Variants in FHIT observed in about 807,000 individuals in gnomAD.
The protein encoded by FHIT is fragile histidine triad diadenosine triphosphatase.
Under a neutral mutation model 17.9 loss-of-function variants are expected in FHIT, and 19 were observed. The observed-to-expected ratio is 1.06, with a 90% CI of 0.74 to 1.56. The LOEUF is 1.56. Ranked by LOEUF, FHIT falls within the 40% of genes most tolerant of loss-of-function variation. The probability of loss-of-function intolerance (pLI) is 0.00; values close to 1 mark genes in which losing one functional copy is unlikely to be tolerated. For synonymous variants in FHIT, 81 were observed against 69.7 expected (o/e 1.16, Z -0.81); for missense variants, 248 against 189.2 (o/e 1.31, Z -1.82).
intron 5 of FHIT, among the ~76,000 whole-genome samples, chr3:60,351,999 C>T (rs1576520814): frequency 1.3e-5 from 2 of 152,132 alleles, no homozygotes; most frequent in East Asian, 3.9e-4. Flanking sequence ...CACTTCTTGC[C>T]CTGTATCGTA....
At chr3:60,687,579 T>G (rs762503491) in intron 4 of FHIT, among the ~76,000 whole-genome samples, 1 of 152,124 alleles carries the variant, frequency 6.6e-6, no homozygotes, top group Non-Finnish European at 1.5e-5. Context: ...TTCTTTGAGA[T>G]ATAATATATG....
intron 8 of FHIT, among the ~76,000 whole-genome samples, chr3:59,823,682 T>C (rs1454914156): frequency 1.3e-5 from 2 of 152,236 alleles, no homozygotes; most frequent in East Asian, 3.9e-4. Context: ...AAAATCGGCA[T>C]ATAAGGGGCA....
intron 3 of FHIT, among the ~76,000 whole-genome samples, chr3:60,969,065 A>G (rs1267016930): frequency 6.6e-6 from 1 of 152,068 alleles, no homozygotes; most frequent in Non-Finnish European, 1.5e-5. Context: ...TTTGGGGTCA[A>G]GGTTATGCTG....
At chr3:60,375,055 A>G (rs1192460630) in intron 5 of FHIT, among the ~76,000 whole-genome samples, 1 of 151,978 alleles carries the variant, frequency 6.6e-6, no homozygotes, top group African/African-American at 2.4e-5. Context: ...GGAGAGAAAA[A>G]TGGTAAAATA....
At chr3:60,434,315 T>C (rs1258743599) in intron 5 of FHIT, among the ~76,000 whole-genome samples, 1 of 152,124 alleles carries the variant, frequency 6.6e-6, no homozygotes, top group African/African-American at 2.4e-5. Context: ...AGTAAATCCA[T>C]ATGTGAATAG....
chr3:59,990,447 T>C (rs1709175914), intron 7 of FHIT, among the ~76,000 whole-genome samples: 1 of 152,032 alleles, frequency 6.6e-6, no homozygotes, highest in Non-Finnish European at 1.5e-5. Flanking sequence ...AAGTATATTG[T>C]TCTAAATTAA....
rs142729103 is a variant in FHIT at position 60,717,655 on chromosome 3, T to C, written c.-18+104264A>G. On this transcript the variant is annotated intron_variant, in intron 4 of 9. Coordinates refer to ENST00000492590, the MANE Select transcript of FHIT (RefSeq NM_002012.4). ...AAATTGCATATGTGAATCTTGGTTA[T>C]AGTAGAACTTTAAGTGTTCTAGAGC... Among the ~76,000 whole-genome samples, 15 of 152,348 alleles carry C rather than the reference T, an allele frequency of 9.8e-5. No individual in the cohort carries two copies. The East Asian group carries it at 2.9e-3, about 29-fold the overall frequency.
intron 4 of FHIT, among the ~76,000 whole-genome samples, chr3:60,561,118 T>C (rs2036930193): frequency 6.6e-6 from 1 of 151,986 alleles, no homozygotes; most frequent in South Asian, 2.1e-4. Flanking sequence ...TAATGTATCT[T>C]AGAAGAGCCT....
chr3:60,312,408 G>A (rs1232647886), intron 5 of FHIT, among the ~76,000 whole-genome samples: 1 of 152,068 alleles, frequency 6.6e-6, no homozygotes, highest in Non-Finnish European at 1.5e-5. Context: ...CCCCCAAAGT[G>A]CCAGGACCTT....
At chr3:61,164,768 A>T (rs2037788370) in intron 2 of FHIT, among the ~76,000 whole-genome samples, 1 of 152,192 alleles carries the variant, frequency 6.6e-6, no homozygotes, top group African/African-American at 2.4e-5. Flanking sequence ...AGTACTCAAC[A>T]GTTAGCTTTT....
chr3:60,013,496 G>A (rs1224340246), intron 6 of FHIT, among the ~76,000 whole-genome samples: 2 of 152,150 alleles, frequency 1.3e-5, no homozygotes, highest in East Asian at 1.9e-4. Context: ...AATCTTCAGT[G>A]ACTGGGGATC....
At chr3:59,805,444 T>C (rs1232661324) in intron 8 of FHIT, among the ~76,000 whole-genome samples, 4 of 152,134 alleles carry the variant, frequency 2.6e-5, no homozygotes, top group African/African-American at 7.2e-5. Flanking sequence ...TGTTTGTCCT[T>C]GCGGCAGGTT....
chr3:60,554,861 A>C (rs2036690201), intron 4 of FHIT, among the ~76,000 whole-genome samples: 1 of 152,214 alleles, frequency 6.6e-6, no homozygotes, highest in African/African-American at 2.4e-5. Flanking sequence ...ATTCATGGCA[A>C]AGCAATGCTG....
intron 2 of FHIT, among the ~76,000 whole-genome samples, chr3:61,162,431 G>A (rs1246390592): frequency 6.6e-6 from 1 of 152,134 alleles, no homozygotes; most frequent in Non-Finnish European, 1.5e-5. Flanking sequence ...ATGGCCAGCT[G>A]GATATTTTAC....
At chr3:60,993,172 C>G (rs1481838716) in intron 3 of FHIT, among the ~76,000 whole-genome samples, 2 of 152,122 alleles carry the variant, frequency 1.3e-5, no homozygotes, top group African/African-American at 4.8e-5. Context: ...AAAATGTTAG[C>G]AAAGGAAACC....
At position 60,364,087 on chromosome 3, in the gene FHIT, C is replaced by T. The variant is rs62248545; in HGVS notation, c.103+172773G>A. Among the ~76,000 whole-genome samples the T allele has an allele frequency of 1.5e-3, 221 of 152,318 alleles. 1 individual carries two copies. Among genetic ancestry groups the T allele is most frequent in the Non-Finnish European group, 2.6e-3 (176 of 68,036 alleles). On this transcript the variant is annotated intron_variant, in intron 5 of 9. Coordinates refer to ENST00000492590, the MANE Select transcript of FHIT (RefSeq NM_002012.4). ...CAGCCCACAACTTTGTAAACAGTCC[C>T]ATTGTAAATATACTCTTTAATATAT...
chr3:60,149,789 AC>A lies in FHIT; in HGVS notation c.104-135638del, dbSNP rs1357798575. ...TACTCCCCTATGCCCCTACCCCCCT[AC>A]CCCCCTACCCATAGAGATTTGCTGT... On this transcript the variant is annotated intron_variant, in intron 5 of 9. Transcript: ENST00000492590. Among the ~76,000 whole-genome samples, 5 of 132,984 alleles carry A rather than the reference AC, an allele frequency of 3.8e-5. No individual in the cohort carries two copies. The East Asian group carries it at 8.6e-4, about 23-fold the overall frequency. The allele number at this position is 132,984 out of a possible 152,430, so 87.2% of individuals were successfully genotyped here.
Position 60,166,793 on chromosome 3 carries a change from T to G in FHIT, c.104-152641A>C, listed in dbSNP as rs1027559183. On this transcript the variant is annotated intron_variant, in intron 5 of 9. Coordinates refer to ENST00000492590, the MANE Select transcript of FHIT (RefSeq NM_002012.4). ...TTCCCTAACTAGATTTCCATTTTCTTTGGTGAGCTTAAGGGAGTGCCCTGC... is the reference window on the plus strand; with the variant it reads ...TTCCCTAACTAGATTTCCATTTTCTGTGGTGAGCTTAAGGGAGTGCCCTGC... Among the ~76,000 whole-genome samples, 6 of 152,324 alleles carry G rather than the reference T, an allele frequency of 3.9e-5. No individual in the cohort carries two copies. The East Asian group carries it at 5.8e-4, about 15-fold the overall frequency.
intron 2 of FHIT, among the ~76,000 whole-genome samples, chr3:61,049,705 A>G (rs906214030): frequency 2.6e-5 from 4 of 152,178 alleles, no homozygotes; most frequent in African/African-American, 9.6e-5. Flanking sequence ...TATAGTGGTG[A>G]TTGGGTTCAG....
Sources: gnomAD v4.1 joint callset for allele counts (sites outside exome capture counted in the v4.1 genomes callset) on GRCh38, gnomAD v4.1.1 for gene constraint, MANE v1.5 for transcripts, NCBI Gene and HGNC (gene_info 2026-07-23, HGNC 2026-07-21) for gene names.